Variants in KANK1 observed in about 807,000 individuals in gnomAD.
KANK1 encodes KN motif and ankyrin repeat domains 1.
In KANK1, 109 loss-of-function variants were observed where a neutral mutation model predicts 106.2. That is an observed-to-expected ratio of 1.03 (90% CI 0.88 to 1.20). The LOEUF is 1.20. Among genes scored for constraint, KANK1 ranks in the 50% most tolerant of loss-of-function variants. The probability of loss-of-function intolerance (pLI) is 0.00; values close to 1 mark genes in which losing one functional copy is unlikely to be tolerated. For missense variants in KANK1, 2,399 were observed against 1,710.7 expected, an observed-to-expected ratio of 1.40 and a Z score of -7.10; for synonymous variants, 873 against 652.2, an observed-to-expected ratio of 1.34 and a Z score of -5.16.
intron 1 of KANK1, among the ~76,000 whole-genome samples, chr9:595,369 A>C (rs1825952471): frequency 6.6e-6 from 1 of 151,862 alleles, no homozygotes; most frequent in South Asian, 2.1e-4. Context: ...CTGTGAAAGC[A>C]CTCTGAAGGG....
chr9:651,799 A>T (rs2361098), intron 1 of KANK1, among the ~76,000 whole-genome samples: 27,638 of 152,226 alleles, frequency 0.18, 2,769 homozygotes, highest in East Asian at 0.32. Context: ...AAATTTACCA[A>T]CATAGATAAT....
intron 3 of KANK1, among the ~76,000 whole-genome samples, chr9:722,442 G>A (rs1829597253): frequency 6.6e-6 from 1 of 151,972 alleles, no homozygotes; most frequent in Non-Finnish European, 1.5e-5. Context: ...GATTCTAAAG[G>A]GTAGCTAGGG....
Position 712,633 on chromosome 9 carries a change from A to G in KANK1, c.1867A>G (p.Lys623Glu), listed in dbSNP as rs1564051426. The G allele has an allele frequency of 1.2e-6, 2 of 1,613,516 alleles. No homozygotes were observed. Among genetic ancestry groups the G allele is most frequent in the Non-Finnish European group, 1.7e-6 (2 of 1,179,478 alleles). The stretch of plus-strand genomic sequence containing the variant: ...ACTCCTCAAGACAAACTTGAATCTC[A>G]AAGAAGTGCGGTCTATCGGTTGTGG... The part of the protein sequence containing the change: ...LTLLKTNLNL[K>E]EVRSIGCGDC... The change falls in exon 3 of 12, where the codon AAA (lysine) becomes GAA (glutamate). Residue 623 changes from lysine to glutamate, a missense_variant. Lys to Glu is a moderately conservative substitution (Grantham distance 56). Coordinates refer to ENST00000382297, the MANE Select transcript of KANK1 (RefSeq NM_015158.5).
At position 524,982 on chromosome 9, in the gene KANK1, C is replaced by CTTTTTTTTTTTTTTTTT. The variant is rs35377139; in HGVS notation, c.-84+20234_-84+20250dup. On this transcript the variant is annotated intron_variant, in intron 1 of 11. Transcript: ENST00000382297. ...TTAGTCAATCCCAAACTCTTGCTGC[C>CTTTTTTTTTTTTTTTTT]TTTTTTTTTTTTTTTTTTTTTTGAG... Among the ~76,000 whole-genome samples the CTTTTTTTTTTTTTTTTT allele has an allele frequency of 3.8e-4, 35 of 91,956 alleles. 4 individuals carry two copies. Among genetic ancestry groups the CTTTTTTTTTTTTTTTTT allele is most frequent in the African/African-American group, 1.5e-3 (33 of 21,332 alleles). The allele number at this position is 91,956 out of a possible 152,430, so 60.3% of individuals were successfully genotyped here.
At chr9:641,692 C>T (rs571090485) in intron 1 of KANK1, among the ~76,000 whole-genome samples, 12 of 152,324 alleles carry the variant, frequency 7.9e-5, no homozygotes, top group Admixed American at 7.8e-4. Context: ...CTCTACCTAT[C>T]TTACATCTTA....
At chr9:518,105 G>A (rs1432700084) in intron 1 of KANK1, among the ~76,000 whole-genome samples, 1 of 151,606 alleles carries the variant, frequency 6.6e-6, no homozygotes, top group African/African-American at 2.4e-5. Flanking sequence ...GGAAAAAAGT[G>A]TCACTCTTTC....
rs548713345 is a variant in KANK1, at chr9:696,565, G to C, written c.38-14239G>C. ...GGGGAAGGGTGTGCTGGGTAGAGGGGATAGAATGAGCAAAGATAGATAAGC... is the reference window on the plus strand; with the variant it reads ...GGGGAAGGGTGTGCTGGGTAGAGGGCATAGAATGAGCAAAGATAGATAAGC... On this transcript the variant is annotated intron_variant, in intron 2 of 11. Transcript: ENST00000382297. Among the ~76,000 whole-genome samples, 24 of 152,226 alleles carry C rather than the reference G, an allele frequency of 1.6e-4. 1 individual carries two copies. The Middle Eastern group carries it at 0.024, about 151-fold the overall frequency.
At chr9:633,415 G>A (rs1007713855) in intron 1 of KANK1, among the ~76,000 whole-genome samples, 10 of 152,172 alleles carry the variant, frequency 6.6e-5, no homozygotes, top group South Asian at 2.1e-4. Context: ...CCGTGATCGC[G>A]CCCCTGCACT....
At chr9:628,923 AC>A (rs1835009402) in intron 1 of KANK1, among the ~76,000 whole-genome samples, 1 of 141,452 alleles carries the variant, frequency 7.1e-6, no homozygotes, top group African/African-American at 3.0e-5. Context: ...TACTAAAAAT[AC>A]AAAAAATTAG....
chr9:602,553 C>T (rs115588186), intron 1 of KANK1, among the ~76,000 whole-genome samples: 4,388 of 151,272 alleles, frequency 0.029, 303 homozygotes, highest in African/African-American at 0.1. Context: ...CTGTTGCACC[C>T]GGCCCCCATT....
chr9:675,991 C>G (rs1359220433), intron 1 of KANK1, among the ~76,000 whole-genome samples: 1 of 152,132 alleles, frequency 6.6e-6, no homozygotes, highest in Non-Finnish European at 1.5e-5. Context: ...AACTGTCCTG[C>G]TGCTGGTGGG....
rs2060720461 is a variant in KANK1 at position 543,315 on chromosome 9, G to C, written c.-84+38561G>C. 3.3e-5 allele frequency among the ~76,000 whole-genome samples: 5 copies of C among 152,126 alleles called. No individual in the cohort carries two copies. In the South Asian group the frequency reaches 1.0e-3, roughly 32 times the overall value. ...TCATGCTTGTAATCTCAGCACTTTG[G>C]GAGGCCAAGGTGGGCGGATCACTTG... is the stretch of plus-strand genomic sequence containing the variant. On this transcript the variant is annotated intron_variant, in intron 1 of 11. Coordinates refer to ENST00000382297, the MANE Select transcript of KANK1 (RefSeq NM_015158.5).
chr9:743,747 A>G (rs1159499752), intron 10 of KANK1, among the ~76,000 whole-genome samples: 1 of 152,182 alleles, frequency 6.6e-6, no homozygotes, highest in Non-Finnish European at 1.5e-5. Flanking sequence ...CTGTAGTCTC[A>G]GATACCGTGG....
chr9:609,402 C>T (rs941302402), intron 1 of KANK1, among the ~76,000 whole-genome samples: 2 of 152,080 alleles, frequency 1.3e-5, no homozygotes, highest in Admixed American at 6.5e-5. Context: ...CCGAGGAGGG[C>T]GGATCACCTG....
chr9:519,378 A>G (rs2133162640), intron 1 of KANK1, among the ~76,000 whole-genome samples: 1 of 151,940 alleles, frequency 6.6e-6, no homozygotes, highest in East Asian at 1.9e-4. Flanking sequence ...TCCTTCAGAA[A>G]TTAAGTTTTT....
intron 1 of KANK1, among the ~76,000 whole-genome samples, chr9:505,396 C>G (rs1442145630): frequency 6.6e-6 from 1 of 152,214 alleles, no homozygotes; most frequent in African/African-American, 2.4e-5. Flanking sequence ...CGGCCCAACC[C>G]GGCGCGGGCA....
At chr9:636,146 A>C (rs1475403761) in intron 1 of KANK1, among the ~76,000 whole-genome samples, 1 of 152,142 alleles carries the variant, frequency 6.6e-6, no homozygotes, top group Non-Finnish European at 1.5e-5. Flanking sequence ...TTAAAGATTC[A>C]GTTTCAGTTG....
In KANK1 at chr9:741,060, G is replaced by C. The variant is rs372725725; in HGVS notation, c.3696+126G>C. 25 of 1,046,576 alleles carry C rather than the reference G, an allele frequency of 2.4e-5. No homozygotes were observed. The East Asian group carries it at 3.9e-4, about 16-fold the overall frequency. 64.8% of individuals were successfully genotyped at this position (1,046,576 alleles called of 1,614,324 possible). A position where few individuals can be genotyped will look rare whatever the true frequency, so the allele number is the denominator to read the frequency against. On this transcript the variant is annotated intron_variant, in intron 9 of 11. Coordinates refer to ENST00000382297, the MANE Select transcript of KANK1 (RefSeq NM_015158.5). ...CCACAGTGCACTTGTTTGCAGGCCT[G>C]CCCTGAGTCCATACACTGCCTGGCA...
chr9:706,924 G>A (rs1272006466), intron 2 of KANK1: 2 of 985,326 alleles, frequency 2.0e-6, no homozygotes, highest in African/African-American at 1.7e-5. Context: ...TGCTTAAAGT[G>A]CTAGCTTTAT....
Sources: allele counts gnomAD v4.1 joint callset (sites outside exome capture counted in the v4.1 genomes callset), GRCh38; gene constraint gnomAD v4.1.1; transcripts MANE v1.5; gene names NCBI Gene and HGNC (gene_info 2026-07-23, HGNC 2026-07-21).